IAH1: variants seen among roughly 807,000 people sequenced by gnomAD.
The protein encoded by IAH1 is isoamyl acetate hydrolyzing esterase 1 (putative), also known as isoamyl acetate-hydrolyzing esterase 1 homolog.
In IAH1, 24 loss-of-function variants were observed where a neutral mutation model predicts 26.7. The ratio of observed to expected loss-of-function variants is 0.90; its 90% CI spans 0.65 to 1.26. The LOEUF (loss-of-function observed/expected upper bound fraction) is 1.26, where lower values mean the gene tolerates loss of function less well. IAH1 is among the 50% of genes most tolerant of loss of function. The pLI, the probability that IAH1 is intolerant of heterozygous loss-of-function variation, is 0.00. For synonymous variants in IAH1, 140 were observed against 118.5 expected (o/e 1.18, Z -1.18); for missense variants, 300 against 299.9 (o/e 1.00, Z 0.00).
the IAH1 span, chr2:9,502,305 G>C: frequency 3.2e-6 from 5 of 1,564,480 alleles, no homozygotes; most frequent in Admixed American, 3.4e-5. Flanking sequence ...CAGGAACAGA[G>C]CAATTCAAAT....
chr2:9,487,057 G>C (rs1661540618), intron 5 of IAH1, among the ~76,000 whole-genome samples: 1 of 151,886 alleles, frequency 6.6e-6, no homozygotes, highest in Non-Finnish European at 1.5e-5. Flanking sequence ...CATAATGAGA[G>C]ACCCATCTCT....
At chr2:9,477,172 A>G (rs1002502573) in intron 2 of IAH1, among the ~76,000 whole-genome samples, 3 of 152,180 alleles carry the variant, frequency 2.0e-5, no homozygotes, top group Admixed American at 2.0e-4. Context: ...GCAGTTTATA[A>G]ATGCCACCTG....
intron 6 of IAH1, among the ~76,000 whole-genome samples, chr2:9,496,139 A>G (rs1662580103): frequency 6.6e-6 from 1 of 151,190 alleles, no homozygotes; most frequent in Admixed American, 6.6e-5. Flanking sequence ...TTATTTATTT[A>G]TTTATTTGAA....
downstream of IAH1, among the ~76,000 whole-genome samples, chr2:9,497,905 A>G (rs1424738642): frequency 6.6e-6 from 1 of 151,942 alleles, no homozygotes; most frequent in Non-Finnish European, 1.5e-5. Context: ...ATTTAATGTT[A>G]TTTTCTGTTT....
chr2:9,512,048 G>A, the IAH1 span, among the ~76,000 whole-genome samples: 2 of 151,456 alleles, frequency 1.3e-5, no homozygotes, highest in Non-Finnish European at 2.9e-5. Flanking sequence ...TTTTCCTAAG[G>A]GGGGGAAATC....
At position 9,478,367 on chromosome 2, in the gene IAH1, A is replaced by C; in HGVS notation, c.280A>C (p.Lys94Gln). 1.3e-6 allele frequency: 2 copies of C among 1,594,832 alleles called. No individual in the cohort carries two copies. The highest frequency in any genetic ancestry group is 1.7e-6 in the Non-Finnish European group (2 of 1,170,748). ...IFFGANDSAL[K>Q]DENPKQHIPL... ...CTTTGGGGCCAATGACAGTGCACTA[A>C]AAGGTAAAAGCATTTTTGATGTTCT... The change falls in exon 3 of 6, where the codon AAA (lysine) becomes CAA (glutamine). Residue 94 changes from lysine (K) to glutamine (Q), a missense_variant. Physicochemically the swap from Lys to Gln is moderately conservative, Grantham distance 53. Transcript: ENST00000497473.
chr2:9,491,407 T>C (rs182030869), downstream of IAH1, among the ~76,000 whole-genome samples: 1 of 152,322 alleles, frequency 6.6e-6, no homozygotes, highest in East Asian at 1.9e-4. Context: ...TTAAGTGCTA[T>C]GTTTTCTGAG....
downstream of IAH1, chr2:9,491,190 C>G (rs371300216): frequency 3.8e-5 from 60 of 1,579,592 alleles, 1 homozygote; most frequent in South Asian, 5.9e-4. Flanking sequence ...CCTACAAATA[C>G]AATTCAGTTA....
downstream of IAH1, among the ~76,000 whole-genome samples, chr2:9,499,755 T>G (rs1191851039): frequency 6.6e-6 from 1 of 152,046 alleles, no homozygotes; most frequent in Non-Finnish European, 1.5e-5. Context: ...TCCCAAAAGA[T>G]AAAAACATGG....
At chr2:9,475,252 C>T in intron 1 of IAH1, 1 of 1,230,984 alleles carries the variant, frequency 8.1e-7, no homozygotes, top group Non-Finnish European at 1.1e-6. Context: ...AAATTCCATT[C>T]CTGTGTGTGT....
chr2:9,482,035 T>G (rs912233786), intron 4 of IAH1, among the ~76,000 whole-genome samples: 4 of 149,754 alleles, frequency 2.7e-5, no homozygotes, highest in Non-Finnish European at 6.0e-5. Flanking sequence ...AAGTTCTCTT[T>G]TTTTTTTTTT....
At chr2:9,490,506 G>C, downstream of IAH1, 1 of 1,611,210 alleles carries the variant, frequency 6.2e-7, no homozygotes, top group Non-Finnish European at 8.5e-7. Flanking sequence ...ATGCTGCTCA[G>C]CATTTCGACG....
intron 3 of IAH1, 130 bp from the exon 4 acceptor site, chr2:9,481,154 CTT>C (rs759254719): frequency 3.1e-5 from 30 of 953,476 alleles, no homozygotes; most frequent in Admixed American, 9.4e-5. Context: ...AAAACCTTCT[CTT>C]TGTGTCCTTG....
chr2:9,506,359 G>GT, the IAH1 span, among the ~76,000 whole-genome samples: 1,793 of 73,248 alleles, frequency 0.024, 185 homozygotes, highest in African/African-American at 0.062. Flanking sequence ...CTTCAAATCT[G>GT]TTTTTTTTTT....
chr2:9,481,822 T>G (rs568655178), intron 4 of IAH1, among the ~76,000 whole-genome samples: 1 of 152,052 alleles, frequency 6.6e-6, no homozygotes, highest in South Asian at 2.1e-4. Context: ...CTGGGGCTTT[T>G]TACTGGTCCA....
the IAH1 span, among the ~76,000 whole-genome samples, chr2:9,511,638 AAAG>A: frequency 6.6e-6 from 1 of 152,154 alleles, no homozygotes; most frequent in Non-Finnish European, 1.5e-5. Context: ...TTTTGCCAAT[AAAG>A]CTAAAATTTT....
In IAH1 at chr2:9,481,335, A is replaced by T. The variant is rs373001388; in HGVS notation, c.333A>T (p.Leu111=). ...CCCTGGAGGAGTACGCTGCGAACCT[A>T]AAGAGCATGGTGCAGTACCTGAAGT... The part of the protein sequence containing the change: ...HIPLEEYAAN[L]KSMVQYLKSV... Residue 111 remains leucine (L), a synonymous_variant, in exon 4 of 6, where the codon CTA becomes CTT. Coordinates refer to ENST00000497473, the MANE Select transcript of IAH1 (RefSeq NM_001039613.3). 1 of 1,614,178 alleles carries T rather than the reference A, an allele frequency of 6.2e-7. No individual in the cohort carries two copies. The highest frequency in any genetic ancestry group is 8.5e-7 in the Non-Finnish European group (1 of 1,180,034).
chr2:9,476,808 TG>T (rs1660823844), intron 2 of IAH1, among the ~76,000 whole-genome samples: 1 of 152,236 alleles, frequency 6.6e-6, no homozygotes, highest in African/African-American at 2.4e-5. Context: ...AGGCAGGAAC[TG>T]GCTGTTTCAC....
At chr2:9,486,546 G>C (rs1214470345) in intron 5 of IAH1, 1 of 152,306 alleles carries the variant, frequency 6.6e-6, no homozygotes, top group East Asian at 1.9e-4. Context: ...AGTCACATAA[G>C]GCCGGGCGCG....
Sources: gnomAD v4.1 joint callset for allele counts (sites outside exome capture counted in the v4.1 genomes callset) on GRCh38, gnomAD v4.1.1 for gene constraint, MANE v1.5 for transcripts, NCBI Gene and HGNC (gene_info 2026-07-23, HGNC 2026-07-21) for gene names.